The following CNTN6 variants were observed in gnomAD, a reference collection of about 807,000 sequenced individuals.
CNTN6 encodes the protein contactin 6, also known as contactin-6.
A neutral mutation model predicts 122.8 loss-of-function variants in CNTN6; 137 were observed. The observed-to-expected ratio is 1.12, with a 90% CI of 0.97 to 1.29. CNTN6 has a LOEUF of 1.29. Ranked by LOEUF, CNTN6 falls within the 50% of genes most tolerant of loss-of-function variation. CNTN6 has a pLI of 0.00. For synonymous variants in CNTN6, 570 were observed against 426.0 expected (o/e 1.34, Z -4.16); for missense variants, 1,634 against 1,223.4 (o/e 1.34, Z -5.01).
intron 4 of CNTN6, among the ~76,000 whole-genome samples, chr3:1,270,280 AC>A (rs1369614002): frequency 6.6e-6 from 1 of 152,242 alleles, no homozygotes; most frequent in African/African-American, 2.4e-5. Context: ...GGAAATAGCA[AC>A]ATGAACAATT....
At chr3:1,371,079 T>C (rs1463295032) in intron 12 of CNTN6, among the ~76,000 whole-genome samples, 1 of 152,066 alleles carries the variant, frequency 6.6e-6, no homozygotes, top group Non-Finnish European at 1.5e-5. Context: ...TAAATATTTA[T>C]GAATGAAGAA....
intron 2 of CNTN6, among the ~76,000 whole-genome samples, chr3:1,209,967 T>G (rs1475948093): frequency 6.6e-6 from 1 of 152,184 alleles, no homozygotes; most frequent in Admixed American, 6.5e-5. Context: ...AAGATGTATC[T>G]CTCTACTTAG....
chr3:1,256,243 G>C (rs1048400120), intron 4 of CNTN6, among the ~76,000 whole-genome samples: 1 of 152,094 alleles, frequency 6.6e-6, no homozygotes, highest in South Asian at 2.1e-4. Flanking sequence ...AATTTTCTAA[G>C]TTATGAAATA....
intron 6 of CNTN6, among the ~76,000 whole-genome samples, chr3:1,296,278 G>A (rs1575593941): frequency 1.3e-5 from 2 of 151,940 alleles, no homozygotes; most frequent in South Asian, 4.1e-4. Flanking sequence ...CATATCCAAG[G>A]AAAGCAAAGC....
chr3:1,130,251 ATGC>A (rs1430101409), intron 1 of CNTN6, among the ~76,000 whole-genome samples: 1 of 152,054 alleles, frequency 6.6e-6, no homozygotes, highest in Non-Finnish European at 1.5e-5. Flanking sequence ...ATTGTAGCAG[ATGC>A]TGTCTATGCC....
chr3:1,376,891 C>T, intron 16 of CNTN6, 114 bp from the exon 17 acceptor site: 2 of 655,434 alleles, frequency 3.1e-6, no homozygotes, highest in Non-Finnish European at 5.4e-6. Flanking sequence ...ATGCAAGACT[C>T]TCTCACAGTA....
chr3:1,310,532 A>G (rs76573835), intron 7 of CNTN6, among the ~76,000 whole-genome samples: 4,220 of 151,944 alleles, frequency 0.028, 167 homozygotes, highest in African/African-American at 0.095. Flanking sequence ...TTTGTTGAGG[A>G]TTTTTCCATT....
At chr3:1,279,076 C>T (rs3894894) in intron 5 of CNTN6, among the ~76,000 whole-genome samples, 80,825 of 151,990 alleles carry the variant, frequency 0.53, 23,157 homozygotes, top group Non-Finnish European at 0.66. Context: ...CATTAATTAC[C>T]GGAAGGGATA....
intron 2 of CNTN6, among the ~76,000 whole-genome samples, chr3:1,175,684 A>G (rs2093436342): frequency 6.6e-6 from 1 of 152,262 alleles, no homozygotes; most frequent in East Asian, 1.9e-4. Context: ...TTGTATATGC[A>G]AAAGACCCCA....
At chr3:1,349,016 AC>A (rs1705206915) in intron 11 of CNTN6, among the ~76,000 whole-genome samples, 1 of 151,918 alleles carries the variant, frequency 6.6e-6, no homozygotes, top group African/African-American at 2.4e-5. Context: ...CCATTGTAAC[AC>A]CTAACATACC....
intron 21 of CNTN6, among the ~76,000 whole-genome samples, chr3:1,401,902 G>A (rs1160383049): frequency 1.3e-5 from 2 of 152,018 alleles, no homozygotes; most frequent in African/African-American, 4.8e-5. Context: ...GCAGTATGAT[G>A]TGATCTTTTA....
At chr3:1,112,366 C>T (rs1011504397) in intron 1 of CNTN6, among the ~76,000 whole-genome samples, 1 of 152,056 alleles carries the variant, frequency 6.6e-6, no homozygotes, top group African/African-American at 2.4e-5. Flanking sequence ...AAGATGGAGC[C>T]CTTGGGATGC....
intron 1 of CNTN6, among the ~76,000 whole-genome samples, chr3:1,117,983 T>C (rs2091793983): frequency 1.3e-5 from 2 of 152,176 alleles, no homozygotes; most frequent in Non-Finnish European, 2.9e-5. Flanking sequence ...CACACTCTGA[T>C]TTGTGCTTCT....
chr3:1,238,066 G>A (rs1347204328), intron 4 of CNTN6, among the ~76,000 whole-genome samples: 1 of 151,806 alleles, frequency 6.6e-6, no homozygotes, highest in East Asian at 1.9e-4. Context: ...ATAGCACGGT[G>A]AATAGAATAG....
At position 1,324,317 on chromosome 3, in the gene CNTN6, C is replaced by G. The variant is rs756935377; in HGVS notation, c.947-1498C>G. The stretch of plus-strand genomic sequence containing the variant: ...AGAAAAACTCTAGAAGTCAGACAGA[C>G]TTGCGTTTTATATTGTGCACAATTT... On this transcript the variant is annotated intron_variant, in intron 8 of 22. Coordinates refer to ENST00000446702, the MANE Select transcript of CNTN6 (RefSeq NM_001289080.2). Among the ~76,000 whole-genome samples, 27 of 149,468 alleles carry G rather than the reference C, an allele frequency of 1.8e-4. 1 individual carries two copies. The highest frequency in any genetic ancestry group is 6.9e-4 in the African/African-American group (27 of 39,180).
At chr3:1,355,653 A>G (rs945330293) in intron 12 of CNTN6, among the ~76,000 whole-genome samples, 5 of 151,750 alleles carry the variant, frequency 3.3e-5, no homozygotes, top group Non-Finnish European at 5.9e-5. Flanking sequence ...AGAATCAAAT[A>G]TAATTTTGTT....
At chr3:1,195,696 A>G (rs944245699) in intron 2 of CNTN6, among the ~76,000 whole-genome samples, 2 of 152,144 alleles carry the variant, frequency 1.3e-5, no homozygotes, top group African/African-American at 4.8e-5. Flanking sequence ...AATGAAACTG[A>G]GTGTCTCCAA....
chr3:1,137,904 G>A (rs2092519196), intron 1 of CNTN6, among the ~76,000 whole-genome samples: 1 of 152,150 alleles, frequency 6.6e-6, no homozygotes, highest in South Asian at 2.1e-4. Context: ...TTGCTGCCCT[G>A]AAATGTCCAC....
chr3:1,307,456 G>C (rs1456701170), intron 7 of CNTN6, among the ~76,000 whole-genome samples: 3 of 140,738 alleles, frequency 2.1e-5, no homozygotes, highest in East Asian at 2.0e-4. Flanking sequence ...GGATAGTACA[G>C]AGAGGTCCAA....
Sources: gnomAD v4.1 joint callset for allele counts (sites outside exome capture counted in the v4.1 genomes callset) on GRCh38, gnomAD v4.1.1 for gene constraint, MANE v1.5 for transcripts, NCBI Gene and HGNC (gene_info 2026-07-23, HGNC 2026-07-21) for gene names.